Variants in ZSCAN23 observed in about 807,000 individuals in gnomAD.
ZSCAN23 encodes zinc finger and SCAN domain-containing protein 23.
A neutral mutation model predicts 19.3 loss-of-function variants in ZSCAN23; 19 were observed. The observed-to-expected ratio is 0.99, with a 90% confidence interval of 0.69 to 1.45. The LOEUF (loss-of-function observed/expected upper bound fraction) is 1.45. ZSCAN23 is among the 40% of genes most tolerant of loss of function. The pLI, the probability that ZSCAN23 is intolerant of heterozygous loss-of-function variation, is 0.00. For synonymous variants in ZSCAN23, 140 were observed against 166.2 expected (o/e 0.84, Z 1.21); for missense variants, 372 against 462.5 (o/e 0.80, Z 1.79).
At chr6:28,443,165 G>A (rs953874713) in intron 1 of ZSCAN23, among the ~76,000 whole-genome samples, 3 of 152,190 alleles carry the variant, frequency 2.0e-5, no homozygotes, top group Non-Finnish European at 2.9e-5. Flanking sequence ...GGGCAGAGAG[G>A]TTGAAGAGCT....
rs1295438193 is a variant in ZSCAN23 at position 28,433,732 on chromosome 6, A to G, written c.*733T>C. The G allele has an allele frequency of 6.6e-6, 1 of 152,154 alleles. No individual in the cohort carries two copies. Among genetic ancestry groups the G allele is most frequent in the East Asian group, 1.9e-4 (1 of 5,194 alleles). The allele number at this position is 152,154 out of a possible 1,614,324, so 9.4% of individuals were successfully genotyped here. A position where few individuals can be genotyped will look rare whatever the true frequency, so the allele number is the denominator to read the frequency against. On this transcript the variant is annotated 3_prime_UTR_variant, in exon 4 of 4. Transcript: ENST00000289788. ...AAGGAGAAAAAGGCAAAAACAAAAA[A>G]ATGCTCATTATATGTTACGGGAAAA... is the stretch of plus-strand genomic sequence containing the variant.
chr6:28,427,838 G>T (rs569748429), downstream of ZSCAN23, among the ~76,000 whole-genome samples: 1 of 152,282 alleles, frequency 6.6e-6, no homozygotes, highest in Non-Finnish European at 1.5e-5. Flanking sequence ...CCAACACTTT[G>T]GGAGGCTGAG....
chr6:28,424,746 C>T, the ZSCAN23 span, among the ~76,000 whole-genome samples: 1 of 152,248 alleles, frequency 6.6e-6, no homozygotes, highest in African/African-American at 2.4e-5. Context: ...TCAGGCTACA[C>T]TTCTAATTCT....
At position 28,434,916 on chromosome 6, in the gene ZSCAN23, C is replaced by G; in HGVS notation, c.719G>C (p.Arg240Thr). 1 of 1,552,386 alleles carries G rather than the reference C, an allele frequency of 6.4e-7. No homozygotes were observed. The change falls in exon 4 of 4, where the codon AGG (arginine) becomes ACG (threonine). Residue 240 changes from arginine to threonine, a missense_variant. Physicochemically the swap from Arg to Thr is moderately conservative, Grantham distance 71. Transcript: ENST00000289788. The stretch of plus-strand genomic sequence containing the variant: ...GGGTCTCTCCACTGAAGAGCTCACC[C>G]TTTGCTTTTCCAATCTGCCCTCACG... Reference protein sequence around the residue: ...CDREGRLEKQRVSSSVERPYI... With the variant: ...CDREGRLEKQTVSSSVERPYI...
At chr6:28,442,607 G>A (rs774033376) in intron 1 of ZSCAN23, among the ~76,000 whole-genome samples, 1 of 152,188 alleles carries the variant, frequency 6.6e-6, no homozygotes, top group Non-Finnish European at 1.5e-5. Context: ...AAAGAAGGAC[G>A]GGATTCAAAT....
At chr6:28,424,258 A>G in the ZSCAN23 span, among the ~76,000 whole-genome samples, 1 of 152,240 alleles carries the variant, frequency 6.6e-6, no homozygotes, top group Non-Finnish European at 1.5e-5. Context: ...TAAAAAATGC[A>G]TATACCTTAA....
chr6:28,429,778 G>A (rs1196657754), downstream of ZSCAN23, among the ~76,000 whole-genome samples: 1 of 152,160 alleles, frequency 6.6e-6, no homozygotes, highest in Non-Finnish European at 1.5e-5. Flanking sequence ...GGAAAAGGGG[G>A]CAACAGCACC....
At chr6:28,430,030 CG>C (rs1761728977), downstream of ZSCAN23, among the ~76,000 whole-genome samples, 1 of 152,164 alleles carries the variant, frequency 6.6e-6, no homozygotes. Flanking sequence ...GCGCAGAAGC[CG>C]CCTCAAAAAG....
In ZSCAN23 at chr6:28,435,906, T is replaced by C. The variant is rs369000893; in HGVS notation, c.361A>G (p.Thr121Ala). 3.2e-4 allele frequency: 524 copies of C among 1,613,338 alleles called. 6 individuals are homozygous for C. In the South Asian group the frequency reaches 4.4e-3, roughly 14 times the overall value. The change falls in exon 2 of 4, where the codon ACT (threonine) becomes GCT (alanine). Residue 121 changes from threonine to alanine, a missense_variant. Coordinates refer to ENST00000289788, the MANE Select transcript of ZSCAN23 (RefSeq NM_001012455.2). ...TCTCTCTCCAAATCCTCCAGCACAG[T>C]CACTGCCTCCTCTCCACTCACAGGA... Reference protein sequence around the residue: ...HRPVSGEEAVTVLEDLERELD... With the variant: ...HRPVSGEEAVAVLEDLERELD...
intron 3 of ZSCAN23, 98 bp from the exon 4 acceptor site, chr6:28,435,176 G>C: frequency 7.3e-7 from 1 of 1,364,788 alleles, no homozygotes; most frequent in East Asian, 2.5e-5. Flanking sequence ...AGAATGGGTG[G>C]AAGGGGACAA....
At chr6:28,435,349 TC>T in intron 3 of ZSCAN23, 110 bp downstream of exon 3, 1 of 1,382,746 alleles carries the variant, frequency 7.2e-7, no homozygotes, top group Non-Finnish European at 9.7e-7. Flanking sequence ...TATCACTGTA[TC>T]CCTGGTACCT....
chr6:28,427,617 G>C (rs1201895119), downstream of ZSCAN23, among the ~76,000 whole-genome samples: 4 of 152,208 alleles, frequency 2.6e-5, no homozygotes, highest in Admixed American at 1.3e-4. Context: ...AAAAGGTATA[G>C]TAAAAATATG....
chr6:28,439,287 C>T (rs1209409387), intron 1 of ZSCAN23, among the ~76,000 whole-genome samples: 3 of 152,060 alleles, frequency 2.0e-5, no homozygotes, highest in Admixed American at 6.6e-5. Context: ...CAGGGTTTCA[C>T]CATGTTGGCC....
chr6:28,437,342 A>G (rs1281470367), intron 1 of ZSCAN23, among the ~76,000 whole-genome samples: 1 of 152,174 alleles, frequency 6.6e-6, no homozygotes, highest in Admixed American at 6.5e-5. Context: ...ACTGCTAATA[A>G]AAAGACAAAT....
At chr6:28,437,146 G>T (rs940258104) in intron 1 of ZSCAN23, among the ~76,000 whole-genome samples, 7 of 152,198 alleles carry the variant, frequency 4.6e-5, no homozygotes, top group African/African-American at 1.7e-4. Context: ...TAAGGCAAAA[G>T]AATCAGAAAG....
At chr6:28,427,626 T>C (rs1761683230), downstream of ZSCAN23, among the ~76,000 whole-genome samples, 1 of 152,186 alleles carries the variant, frequency 6.6e-6, no homozygotes, top group African/African-American at 2.4e-5. Flanking sequence ...AGTAAAAATA[T>C]GTTATTATAA....
At chr6:28,435,382 C>T in intron 3 of ZSCAN23, 78 bp downstream of exon 3, 1 of 1,494,286 alleles carries the variant, frequency 6.7e-7, no homozygotes, top group Non-Finnish European at 9.0e-7. Context: ...TGGCATACAG[C>T]AGACACTAAA....
At chr6:28,440,346 G>T (rs547958445) in intron 1 of ZSCAN23, among the ~76,000 whole-genome samples, 2 of 152,286 alleles carry the variant, frequency 1.3e-5, no homozygotes, top group South Asian at 4.1e-4. Context: ...GAGCCAAGGG[G>T]TAACAAAATT....
At chr6:28,422,523 AC>A in the ZSCAN23 span, among the ~76,000 whole-genome samples, 5 of 152,290 alleles carry the variant, frequency 3.3e-5, no homozygotes, top group East Asian at 9.6e-4. The surrounding 1 kb of genome is among the most constrained non-coding windows in gnomAD (Gnocchi z 4.0). Context: ...TGTTTCCTAC[AC>A]TCATTTAAAA....
Sources: gnomAD v4.1 joint callset for allele counts (sites outside exome capture counted in the v4.1 genomes callset) on GRCh38, gnomAD v4.1.1 for gene constraint, Gnocchi (gnomAD v3.1) non-coding constraint, MANE v1.5 for transcripts, NCBI Gene and HGNC (gene_info 2026-07-23, HGNC 2026-07-21) for gene names.